WDR75: variants seen among roughly 807,000 people sequenced by gnomAD.
WDR75 encodes the protein WD repeat-containing protein 75.
In WDR75, 52 loss-of-function variants were observed where a neutral mutation model predicts 106.1. That is an observed-to-expected ratio of 0.49 (90% CI 0.39 to 0.62). The LOEUF (loss-of-function observed/expected upper bound fraction) is 0.62, where lower values mean the gene tolerates loss of function less well. WDR75 is among the 20% of genes least tolerant of loss of function. WDR75 has a pLI of 0.00. For missense variants in WDR75, 905 were observed against 970.3 expected (o/e 0.93, Z 0.89); for synonymous variants, 333 against 335.5 (o/e 0.99, Z 0.08).
intron 1 of WDR75, 104 bp from the exon 2 acceptor site, chr2:189,448,275 G>A (rs1198419173): frequency 3.1e-6 from 4 of 1,288,808 alleles, no homozygotes. Flanking sequence ...CTTGAGGCCA[G>A]GAGTTCAAGA....
At chr2:189,449,447 C>T (rs1247730490) in intron 2 of WDR75, 7 of 1,202,456 alleles carry the variant, frequency 5.8e-6, no homozygotes, top group Admixed American at 3.3e-5. Context: ...AAAAGTTTAT[C>T]GCTGTGTGTA....
intron 13 of WDR75, among the ~76,000 whole-genome samples, chr2:189,466,788 T>A (rs530454529): frequency 1.3e-4 from 20 of 152,280 alleles, no homozygotes; most frequent in Middle Eastern, 6.8e-3. Context: ...TCTTGATTAA[T>A]CATGTGCTGA....
In WDR75 at chr2:189,470,820, GT is replaced by G; in HGVS notation, c.1994del (p.Leu665TyrfsTer2). ...GCATCATTAATTCTCTCTTTTCAGA[GT>G]TTATTGACATTCAGTACAAAGTCTC... ...SQFYFLTKSQSLLTFSTKSPE... is the reference protein window; with the variant it reads ...SQFYFLTKSQXLLTFSTKSPE... On this transcript the variant is annotated frameshift_variant and splice_region_variant, in exon 18 of 21. Transcript: ENST00000314761. LOFTEE classifies it high-confidence loss of function. The G allele has an allele frequency of 1.3e-6, 2 of 1,586,922 alleles. No individual in the cohort carries two copies. Among genetic ancestry groups the G allele is most frequent in the Non-Finnish European group, 8.6e-7 (1 of 1,167,982 alleles).
In WDR75 at chr2:189,475,463, A is replaced by G. The variant is rs760324859; in HGVS notation, c.*46A>G. The G allele has an allele frequency of 1.8e-4, 202 of 1,135,764 alleles. No individual in the cohort carries two copies. Among genetic ancestry groups the G allele is most frequent in the Non-Finnish European group, 2.5e-4 (196 of 790,972 alleles). 70.4% of individuals were successfully genotyped at this position (1,135,764 alleles called of 1,614,324 possible). A position where few individuals can be genotyped will look rare whatever the true frequency, so the allele number is the denominator to read the frequency against. ...CCTTGGACTTTGTGTTTTTGATTGTATGTTGATATTCTAAAAACATCTATT... is the reference window on the plus strand; with the variant it reads ...CCTTGGACTTTGTGTTTTTGATTGTGTGTTGATATTCTAAAAACATCTATT... On this transcript the variant is annotated 3_prime_UTR_variant, in exon 21 of 21. Transcript: ENST00000314761.
intron 8 of WDR75, among the ~76,000 whole-genome samples, chr2:189,460,638 G>A (rs1259473878): frequency 7.5e-6 from 1 of 133,264 alleles, no homozygotes; most frequent in Non-Finnish European, 1.6e-5. Context: ...CTAAGTAGCT[G>A]GGACTACAGG....
chr2:189,448,653 A>T, intron 2 of WDR75, 145 bp downstream of exon 2: 1 of 1,012,636 alleles, frequency 9.9e-7, no homozygotes, highest in Non-Finnish European at 1.5e-6. Flanking sequence ...CACTTGCTAA[A>T]TTACATTGCC....
At chr2:189,457,756 T>C (rs1383937013) in intron 6 of WDR75, among the ~76,000 whole-genome samples, 1 of 152,048 alleles carries the variant, frequency 6.6e-6, no homozygotes, top group South Asian at 2.1e-4. Flanking sequence ...GTCTATTTGA[T>C]CCCCACTGCA....
intron 18 of WDR75, among the ~76,000 whole-genome samples, chr2:189,472,720 C>G (rs71434662): frequency 1.3e-5 from 2 of 152,176 alleles, no homozygotes; most frequent in African/African-American, 4.8e-5. Context: ...CCCTTGGCTT[C>G]CACTATCTGA....
intron 20 of WDR75, 66 bp downstream of exon 20, chr2:189,474,874 C>T (rs1219789613): frequency 1.5e-6 from 2 of 1,302,928 alleles, no homozygotes; most frequent in African/African-American, 1.5e-5. Context: ...TGTGTTTATC[C>T]TTTTTTAGAG....
intron 11 of WDR75, among the ~76,000 whole-genome samples, chr2:189,464,492 CA>C (rs72076358): frequency 0.065 from 9,833 of 150,960 alleles, 492 homozygotes; most frequent in African/African-American, 0.14. Context: ...TTAGACCCCT[CA>C]AAAAAAAGGA....
At chr2:189,462,984 C>G (rs1375197424) in intron 9 of WDR75, among the ~76,000 whole-genome samples, 2 of 152,130 alleles carry the variant, frequency 1.3e-5, no homozygotes, top group Non-Finnish European at 2.9e-5. Flanking sequence ...CTTCCGTTTT[C>G]AAAAGAATAC....
At chr2:189,463,665 T>C (rs1686944126) in intron 9 of WDR75, 29 bp from the exon 10 acceptor site, 1 of 1,612,476 alleles carries the variant, frequency 6.2e-7, no homozygotes, top group African/African-American at 1.3e-5. Context: ...CCTATTGATA[T>C]TTAAATACCT....
At chr2:189,444,310 G>A (rs1194905472) in intron 1 of WDR75, among the ~76,000 whole-genome samples, 1 of 152,106 alleles carries the variant, frequency 6.6e-6, no homozygotes, top group Non-Finnish European at 1.5e-5. Flanking sequence ...TGGAATTTTG[G>A]CGGCTTCCTC....
At chr2:189,451,015 A>G (rs778401644) in intron 3 of WDR75, 47 bp downstream of exon 3, 8 of 1,573,270 alleles carry the variant, frequency 5.1e-6, no homozygotes, top group South Asian at 1.2e-5. Flanking sequence ...AAAAAAAGGC[A>G]ATGTAATTTA....
Position 189,465,974 on chromosome 2 carries a change from A to G in WDR75, c.1290-451A>G, listed in dbSNP as rs1414158323. ...TAAGAAGTCATTTAGGTGACTAAAA[A>G]TAGTAAATAATGACCAGCCAGTTTG... is the stretch of plus-strand genomic sequence containing the variant. On this transcript the variant is annotated intron_variant, in intron 12 of 20. Transcript: ENST00000314761. Among the ~76,000 whole-genome samples the G allele has an allele frequency of 2.6e-5, 4 of 152,306 alleles. No homozygotes were observed. The East Asian group carries it at 7.7e-4, about 29-fold the overall frequency.
chr2:189,447,283 C>T (rs1686521023), intron 1 of WDR75, among the ~76,000 whole-genome samples: 1 of 152,202 alleles, frequency 6.6e-6, no homozygotes. Flanking sequence ...AACAGTGCCC[C>T]AAGTAGCTTA....
chr2:189,449,544 A>C, intron 2 of WDR75: 2 of 1,085,732 alleles, frequency 1.8e-6, no homozygotes, highest in Non-Finnish European at 2.3e-6. Flanking sequence ...TAGCCAAAAA[A>C]ACGTATACAC....
chr2:189,458,915 T>C (rs1574196129), intron 7 of WDR75, 43 bp downstream of exon 7: 1 of 1,563,702 alleles, frequency 6.4e-7, no homozygotes, highest in Middle Eastern at 1.7e-4. Context: ...TTATGTACTA[T>C]TTTACGTTAG....
At chr2:189,461,930 A>C (rs1467506088) in intron 8 of WDR75, among the ~76,000 whole-genome samples, 4 of 152,192 alleles carry the variant, frequency 2.6e-5, no homozygotes, top group Non-Finnish European at 5.9e-5. Context: ...ATTATCATGA[A>C]TACGTATAGA....
Sources: gnomAD v4.1 joint callset for allele counts (sites outside exome capture counted in the v4.1 genomes callset) on GRCh38, gnomAD v4.1.1 for gene constraint, MANE v1.5 for transcripts, NCBI Gene and HGNC (gene_info 2026-07-23, HGNC 2026-07-21) for gene names.